The following SMPD3 variants were observed in gnomAD, a reference collection of about 807,000 sequenced individuals.
The protein encoded by SMPD3 is sphingomyelin phosphodiesterase 3.
Under a neutral mutation model 55.7 loss-of-function variants are expected in SMPD3, and 21 were observed. The observed-to-expected ratio is 0.38, with a 90% CI of 0.27 to 0.54. The LOEUF (loss-of-function observed/expected upper bound fraction) is 0.54, where lower values mean the gene tolerates loss of function less well. SMPD3 is among the 20% of genes least tolerant of loss of function. The probability of loss-of-function intolerance (pLI) is 0.80; values close to 1 mark genes in which losing one functional copy is unlikely to be tolerated. For missense variants in SMPD3, 842 were observed against 899.6 expected, an observed-to-expected ratio of 0.94 and a Z score of 0.82; for synonymous variants, 457 against 404.3, an observed-to-expected ratio of 1.13 and a Z score of -1.56.
Position 68,371,613 on chromosome 16 carries a change from G to A in SMPD3, c.569C>T (p.Pro190Leu). The change falls in exon 3 of 9, where the codon CCA (proline) becomes CTA (leucine). Residue 190 changes from proline (P) to leucine (L), a missense_variant. Transcript: ENST00000219334. Reference sequence around the variant, plus strand: ...CCGGGCCACCCCATCGCCGCCCTGTGGTGACACCAGGCTGCTGAAGCTAGC... The same window carrying A: ...CCGGGCCACCCCATCGCCGCCCTGTAGTGACACCAGGCTGCTGAAGCTAGC... ...SAASFSSLVS[P>L]QGGDGVARAV... 1.3e-6 allele frequency: 2 copies of A among 1,567,010 alleles called. No homozygotes were observed. The highest frequency in any genetic ancestry group is 1.7e-6 in the Non-Finnish European group (2 of 1,157,498).
intron 2 of SMPD3, among the ~76,000 whole-genome samples, chr16:68,379,029 T>C (rs2089888790): frequency 6.6e-6 from 1 of 152,256 alleles, no homozygotes; most frequent in African/African-American, 2.4e-5. Context: ...CTCTAGTCCC[T>C]TTGAGTTGGT....
At chr16:68,378,241 C>A (rs1182687015) in intron 2 of SMPD3, among the ~76,000 whole-genome samples, 1 of 152,224 alleles carries the variant, frequency 6.6e-6, no homozygotes, top group Admixed American at 6.5e-5. Context: ...GCACTGAGCT[C>A]AGGCCGGGCC....
chr16:68,418,093 G>A (rs933029009), intron 1 of SMPD3, among the ~76,000 whole-genome samples: 3 of 152,240 alleles, frequency 2.0e-5, no homozygotes, highest in African/African-American at 2.4e-5. Context: ...TCATGTTGCC[G>A]GATCTGCCCC....
intron 1 of SMPD3, among the ~76,000 whole-genome samples, chr16:68,406,051 C>T (rs538627305): frequency 2.2e-4 from 34 of 152,308 alleles, no homozygotes; most frequent in East Asian, 1.9e-4. Flanking sequence ...AACAGCAGGG[C>T]GGGCAGTTGA....
At chr16:68,403,259 T>A (rs1439715721) in intron 1 of SMPD3, among the ~76,000 whole-genome samples, 1 of 152,246 alleles carries the variant, frequency 6.6e-6, no homozygotes, top group African/African-American at 2.4e-5. Flanking sequence ...TGCATTTCTA[T>A]GTTTTCTTTC....
At chr16:68,435,480 C>T (rs2090515531) in intron 1 of SMPD3, among the ~76,000 whole-genome samples, 1 of 71,422 alleles carries the variant, frequency 1.4e-5, no homozygotes, top group Admixed American at 1.8e-4. Flanking sequence ...AACACTCTGG[C>T]ATTTTTTTTT....
intron 3 of SMPD3, chr16:68,368,775 G>C (rs1362439985): frequency 6.6e-6 from 1 of 152,352 alleles, no homozygotes; most frequent in African/African-American, 2.4e-5. Context: ...TCCCAGGCAG[G>C]TGTCATGATG....
At chr16:68,361,377 G>T in intron 8 of SMPD3, 70 bp from the exon 9 acceptor site, 1 of 1,513,076 alleles carries the variant, frequency 6.6e-7, no homozygotes, top group Non-Finnish European at 9.0e-7. Context: ...GAGCGGCCTG[G>T]GGATCCCCAA....
chr16:68,410,857 AC>A (rs2090293754), intron 1 of SMPD3, among the ~76,000 whole-genome samples: 1 of 152,264 alleles, frequency 6.6e-6, no homozygotes, highest in South Asian at 2.1e-4. Flanking sequence ...GCATCGAGGC[AC>A]CTTGCATCTG....
At chr16:68,426,830 GAGTGC>G (rs1480968390) in intron 1 of SMPD3, among the ~76,000 whole-genome samples, 3 of 152,000 alleles carry the variant, frequency 2.0e-5, no homozygotes, top group African/African-American at 4.8e-5. Flanking sequence ...CTCATTTGTG[GAGTGC>G]TTCTTTCTGC....
At chr16:68,429,386 G>A (rs1597664825) in intron 1 of SMPD3, among the ~76,000 whole-genome samples, 1 of 152,234 alleles carries the variant, frequency 6.6e-6, no homozygotes, top group Non-Finnish European at 1.5e-5. Flanking sequence ...TCTGTGCCCA[G>A]TGATAAGGGC....
chr16:68,411,593 C>T (rs1032296822), intron 1 of SMPD3, among the ~76,000 whole-genome samples: 3 of 152,138 alleles, frequency 2.0e-5, no homozygotes, highest in African/African-American at 7.2e-5. Context: ...TGAGACTGGG[C>T]AGGTGGAAGT....
chr16:68,363,763 C>A lies in SMPD3; in HGVS notation c.1645+14G>T, dbSNP rs200471837. ...GAGCCCAGCTCCCATCCTCCTCCCC[C>A]AGCCCCAGCTCACCGATGGCCCACG... On this transcript the variant is annotated intron_variant, in intron 6 of 8. Coordinates refer to ENST00000219334, the MANE Select transcript of SMPD3 (RefSeq NM_018667.4). 2 of 1,556,112 alleles carry A rather than the reference C, an allele frequency of 1.3e-6. No individual in the cohort carries two copies. Among genetic ancestry groups the A allele is most frequent in the African/African-American group, 1.4e-5 (1 of 73,608 alleles).
chr16:68,361,213 T>C lies in SMPD3; in HGVS notation c.1961A>G (p.Glu654Gly). ...MRLMVSSGEEEA is the reference protein window; with the variant it reads ...MRLMVSSGEEGA Reference sequence around the variant, plus strand: ...CCCGCTGCTCCGGACGGTCTATGCCTCCTCCTCCCCCGAAGACACCATCAG... The same window carrying C: ...CCCGCTGCTCCGGACGGTCTATGCCCCCTCCTCCCCCGAAGACACCATCAG... Residue 654 changes from glutamate to glycine, a missense_variant, in exon 9 of 9, where the codon GAG becomes GGG. Around this residue, in one of 2 missense-constraint regions of SMPD3, gnomAD observed 649 missense variants for 643.6 expected, o/e 1.01. Coordinates refer to ENST00000219334, the MANE Select transcript of SMPD3 (RefSeq NM_018667.4). 6.2e-7 allele frequency: 1 copy of C among 1,613,056 alleles called. No individual in the cohort carries two copies. The highest frequency in any genetic ancestry group is 8.5e-7 in the Non-Finnish European group (1 of 1,179,420).
intron 1 of SMPD3, among the ~76,000 whole-genome samples, chr16:68,430,402 A>C (rs924733233): frequency 1.3e-5 from 2 of 152,324 alleles, no homozygotes; most frequent in South Asian, 2.1e-4. Context: ...CTGTGGTGAG[A>C]ATCAATTTCA....
At chr16:68,417,504 CCA>C (rs2090348828) in intron 1 of SMPD3, among the ~76,000 whole-genome samples, 1 of 152,198 alleles carries the variant, frequency 6.6e-6, no homozygotes, top group Non-Finnish European at 1.5e-5. Flanking sequence ...CCCTAAGGAG[CCA>C]CTTGAGAGAC....
In SMPD3 at chr16:68,426,761, C is replaced by T. The variant is rs138340285; in HGVS notation, c.-269+21592G>A. On this transcript the variant is annotated intron_variant, in intron 1 of 8. Transcript: ENST00000219334. Reference sequence around the variant, plus strand: ...TGTGTACACATGTAAATATTTCATACGGATTCAGCCTCACACTGGGCTGTT... The same window carrying T: ...TGTGTACACATGTAAATATTTCATATGGATTCAGCCTCACACTGGGCTGTT... Among the ~76,000 whole-genome samples, 1,171 of 152,240 alleles carry T rather than the reference C, an allele frequency of 7.7e-3. 29 individuals carry two copies. Among genetic ancestry groups the T allele is most frequent in the Admixed American group, 0.064 (983 of 15,282 alleles).
intron 2 of SMPD3, among the ~76,000 whole-genome samples, chr16:68,374,375 C>A (rs1234438396): frequency 1.3e-5 from 2 of 152,242 alleles, no homozygotes; most frequent in East Asian, 3.9e-4. Context: ...AAGGCTGTCA[C>A]TCTCCTCAGG....
In SMPD3 at chr16:68,395,016, T is replaced by C. The variant is rs191841214; in HGVS notation, c.-268-8357A>G. ...CAGTGCAGAAGAGGCCCCTGTGGCA[T>C]CACTCCCTTGGCTAGCCCCCCTGGG... is the stretch of plus-strand genomic sequence containing the variant. On this transcript the variant is annotated intron_variant, in intron 1 of 8. Transcript: ENST00000219334. 3.5e-3 allele frequency among the ~76,000 whole-genome samples: 532 copies of C among 152,008 alleles called. 1 individual carries two copies. Among genetic ancestry groups the C allele is most frequent in the African/African-American group, 0.012 (499 of 41,438 alleles).
Sources: gnomAD v4.1 joint callset for allele counts (sites outside exome capture counted in the v4.1 genomes callset) on GRCh38, gnomAD v4.1.1 for gene constraint, gnomAD v4.1.1 regional missense constraint, MANE v1.5 for transcripts, NCBI Gene and HGNC (gene_info 2026-07-23, HGNC 2026-07-21) for gene names.